The following NPIPB8 variants were observed in gnomAD, a reference collection of about 807,000 sequenced individuals.
The protein encoded by NPIPB8 is nuclear pore complex-interacting protein family member B8.
In NPIPB8, 3 loss-of-function variants were observed where a neutral mutation model predicts 5.3. The ratio of observed to expected loss-of-function variants is 0.57; its 90% confidence interval spans 0.26 to 1.47. The LOEUF (loss-of-function observed/expected upper bound fraction) is 1.47, where lower values mean the gene tolerates loss of function less well. Ranked by LOEUF, NPIPB8 falls within the 40% of genes most tolerant of loss-of-function variation. The pLI is 0.13. For synonymous variants in NPIPB8, 18 were observed against 23.0 expected (o/e 0.78, Z 0.62); for missense variants, 50 against 50.2 (o/e 1.00, Z 0.01).
intron 2 of NPIPB8, among the ~76,000 whole-genome samples, chr16:28,640,528 T>A (rs1472106496): frequency 6.6e-6 from 1 of 152,094 alleles, no homozygotes; most frequent in Non-Finnish European, 1.5e-5. Flanking sequence ...CATGGGTACA[T>A]CCACTTTCAA....
intron 2 of NPIPB8, among the ~76,000 whole-genome samples, chr16:28,643,027 G>T (rs2047933268): frequency 1.3e-5 from 2 of 152,144 alleles, no homozygotes; most frequent in Non-Finnish European, 2.9e-5. Context: ...GCCAGGAAAG[G>T]TGATAGACAG....
chr16:28,641,384 C>T (rs959002353), intron 2 of NPIPB8, among the ~76,000 whole-genome samples: 2 of 146,702 alleles, frequency 1.4e-5, no homozygotes, highest in Admixed American at 6.8e-5. Context: ...TGCCTCTGTG[C>T]CTGACTGTAC....
intron 2 of NPIPB8, among the ~76,000 whole-genome samples, chr16:28,639,066 C>CAA (rs1351798406): frequency 4.7e-4 from 47 of 99,664 alleles, no homozygotes; most frequent in African/African-American, 7.0e-4. Flanking sequence ...GAGACTCTGT[C>CAA]AAAAAAAAAA....
intron 2 of NPIPB8, chr16:28,644,653 C>G: frequency 6.9e-7 from 1 of 1,457,584 alleles, no homozygotes; most frequent in African/African-American, 1.8e-5. Flanking sequence ...TCAGCCCACC[C>G]CTGTGAGTAG....
intron 2 of NPIPB8, chr16:28,644,675 G>A (rs769727159): frequency 2.5e-5 from 35 of 1,374,240 alleles, no homozygotes; most frequent in South Asian, 7.5e-5. Context: ...CGCTGGACCC[G>A]CGGGGTTTCT....
At position 28,651,682 on chromosome 16, in the gene NPIPB8, T is replaced by G. The variant is rs561463391; in HGVS notation, c.304-275T>G. 1.2e-3 allele frequency among the ~76,000 whole-genome samples: 112 copies of G among 93,388 alleles called. 9 individuals carry two copies. The highest frequency in any genetic ancestry group is 4.5e-3 in the Middle Eastern group (1 of 224). 61.3% of individuals were successfully genotyped at this position (93,388 alleles called of 152,430 possible). On this transcript the variant is annotated intron_variant, in intron 3 of 7. Coordinates refer to ENST00000683297, the MANE Select transcript of NPIPB8 (RefSeq NM_001310136.2). ...TCTCATTCTGTCGCTCAGGCTGGAG[T>G]ACAGTGGTGTGATCTCGGCTCACTG...
intron 5 of NPIPB8, among the ~76,000 whole-genome samples, chr16:28,652,788 G>T (rs1456099067): frequency 1.5e-5 from 2 of 137,588 alleles, no homozygotes; most frequent in East Asian, 4.0e-4. Context: ...TTTTACTAGA[G>T]ATGGGGTTTC....
intron 3 of NPIPB8, among the ~76,000 whole-genome samples, chr16:28,651,604 TTGTG>T (rs533825986): frequency 0.039 from 1,512 of 39,100 alleles, 231 homozygotes; most frequent in African/African-American, 0.13. Flanking sequence ...CATGTCATTC[TTGTG>T]TGTGTGTGTG....
intron 1 of NPIPB8, 25 bp downstream of exon 1, chr16:28,638,175 C>T: frequency 8.3e-6 from 6 of 726,318 alleles, no homozygotes; most frequent in Non-Finnish European, 1.3e-5. Flanking sequence ...AGTAATTTTG[C>T]ATGGCATGAA....
intron 2 of NPIPB8, chr16:28,644,598 G>C (rs1393053154): frequency 1.4e-5 from 22 of 1,529,984 alleles, no homozygotes; most frequent in Non-Finnish European, 1.7e-5. Flanking sequence ...ACATGCGGCT[G>C]CGCTTTTGGC....
intron 5 of NPIPB8, among the ~76,000 whole-genome samples, chr16:28,652,905 T>C (rs868613231): frequency 2.2e-5 from 3 of 135,176 alleles, no homozygotes; most frequent in East Asian, 2.0e-4. Context: ...CCCAGGCTTT[T>C]TTTTTTTTTT....
In NPIPB8 at chr16:28,639,418, C is replaced by A. The variant is rs1347077523; in HGVS notation, c.120+938C>A. On this transcript the variant is annotated intron_variant, in intron 2 of 7. Coordinates refer to ENST00000683297, the MANE Select transcript of NPIPB8 (RefSeq NM_001310136.2). ...ATAGATACACACACACACACACAGA[C>A]ACACACACAGACACACACACACACA... 8.6e-5 allele frequency among the ~76,000 whole-genome samples: 12 copies of A among 138,884 alleles called. 1 individual carries two copies. The highest frequency in any genetic ancestry group is 3.3e-4 in the African/African-American group (12 of 35,864). 91.1% of individuals were successfully genotyped at this position (138,884 alleles called of 152,430 possible). A position where few individuals can be genotyped will look rare whatever the true frequency, so the allele number is the denominator to read the frequency against.
At chr16:28,657,554 G>T (rs1596692731) in intron 7 of NPIPB8, 1 of 133,312 alleles carries the variant, frequency 7.5e-6, no homozygotes, top group South Asian at 2.5e-4. Context: ...TGAAAGGCCT[G>T]GAAAACATTC....
In NPIPB8 at chr16:28,640,001, C is replaced by T. The variant is rs2047866964; in HGVS notation, c.120+1521C>T. Among the ~76,000 whole-genome samples, 4 of 151,528 alleles carry T rather than the reference C, an allele frequency of 2.6e-5. No individual in the cohort carries two copies. The South Asian group carries it at 8.3e-4, about 32-fold the overall frequency. On this transcript the variant is annotated intron_variant, in intron 2 of 7. Transcript: ENST00000683297. ...CCCTGGGTTCAATGCTCTACATGCACTTATATTTCATTTAATTCTCTCTGC... is the reference window on the plus strand; with the variant it reads ...CCCTGGGTTCAATGCTCTACATGCATTTATATTTCATTTAATTCTCTCTGC...
At chr16:28,651,284 A>ATTT (rs1242473443) in intron 3 of NPIPB8, among the ~76,000 whole-genome samples, 42 of 10,904 alleles carry the variant, frequency 3.9e-3, no homozygotes, top group East Asian at 8.9e-3. Flanking sequence ...CACCTGGGCT[A>ATTT]TTTTTTTTTT....
At chr16:28,639,398 TACACAC>T (rs755245844) in intron 2 of NPIPB8, among the ~76,000 whole-genome samples, 1 of 141,018 alleles carries the variant, frequency 7.1e-6, no homozygotes, top group Admixed American at 7.3e-5. Context: ...TTTATATAGA[TACACAC>T]ACACACACAC....
At chr16:28,642,929 G>A (rs1011009239) in intron 2 of NPIPB8, among the ~76,000 whole-genome samples, 1 of 152,194 alleles carries the variant, frequency 6.6e-6, no homozygotes, top group African/African-American at 2.4e-5. Context: ...TTAAAGCAGT[G>A]GTTTTCAGCT....
At chr16:28,640,014 T>A (rs561445785) in intron 2 of NPIPB8, among the ~76,000 whole-genome samples, 2 of 151,494 alleles carry the variant, frequency 1.3e-5, no homozygotes, top group East Asian at 1.9e-4. Flanking sequence ...ATATTTCATT[T>A]AATTCTCTCT....
At chr16:28,642,265 C>G (rs889960826) in intron 2 of NPIPB8, among the ~76,000 whole-genome samples, 1 of 151,726 alleles carries the variant, frequency 6.6e-6, no homozygotes, top group Non-Finnish European at 1.5e-5. Context: ...GCCACCATGC[C>G]TGGCTAATTT....
Sources: allele counts gnomAD v4.1 joint callset (sites outside exome capture counted in the v4.1 genomes callset), GRCh38; gene constraint gnomAD v4.1.1; transcripts MANE v1.5; gene names NCBI Gene and HGNC (gene_info 2026-07-23, HGNC 2026-07-21).